The following GRK4 variants were observed in gnomAD, a reference collection of about 807,000 sequenced individuals.
GRK4 encodes the protein G protein-coupled receptor kinase 2-like.
In GRK4, 73 loss-of-function variants were observed where a neutral mutation model predicts 77.9. The observed-to-expected ratio is 0.94, with a 90% CI of 0.78 to 1.14. The LOEUF (loss-of-function observed/expected upper bound fraction) is 1.14. Among genes scored for constraint, GRK4 ranks in the 50% most tolerant of loss-of-function variants. The pLI is 0.00. For synonymous variants in GRK4, 257 were observed against 254.4 expected, an observed-to-expected ratio of 1.01 and a Z score of -0.10; for missense variants, 729 against 700.2, an observed-to-expected ratio of 1.04 and a Z score of -0.46.
intron 4 of GRK4, among the ~76,000 whole-genome samples, chr4:3,000,784 G>A (rs1447516259): frequency 6.6e-6 from 1 of 151,862 alleles, no homozygotes; most frequent in Non-Finnish European, 1.5e-5. Flanking sequence ...TGGCCAGGAT[G>A]GTCTCGATCT....
chr4:2,986,411 C>T (rs1447677512), intron 2 of GRK4, among the ~76,000 whole-genome samples: 2 of 131,800 alleles, frequency 1.5e-5, no homozygotes, highest in East Asian at 2.2e-4. Flanking sequence ...GGCTGGAGTG[C>T]AATGGCATGA....
intron 4 of GRK4, among the ~76,000 whole-genome samples, chr4:3,001,346 C>CATAT (rs1335363565): frequency 2.5e-5 from 3 of 122,376 alleles, no homozygotes; most frequent in African/African-American, 1.1e-4. Flanking sequence ...CACACACACA[C>CATAT]ACACACACAT....
In GRK4 at chr4:3,013,688, G is replaced by T. The variant is rs1560456314; in HGVS notation, c.601G>T (p.Val201Phe). Reference sequence around the variant, plus strand: ...TCCTTTATTTTGCTGTTTAAACTAGGTTTGCGCCTGTCAAGTGCGAGCCAC... The same window carrying T: ...TCCTTTATTTTGCTGTTTAAACTAGTTTTGCGCCTGTCAAGTGCGAGCCAC... ...RVLGKGGFGE[V>F]CACQVRATGK... Residue 201 changes from valine to phenylalanine, a missense_variant and splice_region_variant, in exon 8 of 16, where the codon GTT (valine) becomes TTT (phenylalanine). By Grantham distance (50) the Val-to-Phe change is conservative. Coordinates refer to ENST00000398052, the MANE Select transcript of GRK4 (RefSeq NM_182982.3). 1 of 1,606,698 alleles carries T rather than the reference G, an allele frequency of 6.2e-7. No individual in the cohort carries two copies. The highest frequency in any genetic ancestry group is 1.7e-5 in the Admixed American group (1 of 58,060).
chr4:3,019,749 T>C lies in GRK4; in HGVS notation c.850T>C (p.Phe284Leu), dbSNP rs1474162734. Residue 284 changes from phenylalanine to leucine, a missense_variant, in exon 9 of 16, where the codon TTT (phenylalanine) becomes CTT (leucine). Phe to Leu is a conservative substitution (Grantham distance 22). Coordinates refer to ENST00000398052, the MANE Select transcript of GRK4 (RefSeq NM_182982.3). ...CATTTACAACCTGGGCAATCCCGGC[T>C]TTGATGAGCAGAGAGCCGTTTTCTA... ...FHIYNLGNPGFDEQRAVFYAA... is the reference protein window; with the variant it reads ...FHIYNLGNPGLDEQRAVFYAA... 13 of 1,614,214 alleles carry C rather than the reference T, an allele frequency of 8.1e-6. No homozygotes were observed. In the South Asian group the frequency reaches 1.3e-4, roughly 16 times the overall value.
intron 7 of GRK4, among the ~76,000 whole-genome samples, chr4:3,013,224 T>A (rs1733415828): frequency 6.6e-6 from 1 of 151,856 alleles, no homozygotes; most frequent in Non-Finnish European, 1.5e-5. Context: ...TTTTGTTTTT[T>A]TATTTTTCGT....
chr4:3,001,089 A>ATATATATATATGTGTGTGTGTGTGTGTG, intron 4 of GRK4, among the ~76,000 whole-genome samples: 2 of 82,432 alleles, frequency 2.4e-5, no homozygotes, highest in Admixed American at 1.1e-4. Context: ...ATATATATAT[A>ATATATATATATGTGTGTGTGTGTGTGTG]TGTGTGTGTG....
rs1735579364 is a variant in GRK4 at position 3,019,838 on chromosome 4, A to G, written c.932+7A>G. On this transcript the variant is annotated splice_region_variant and intron_variant, in intron 9 of 15. Coordinates refer to ENST00000398052, the MANE Select transcript of GRK4 (RefSeq NM_182982.3). ...GGGAAAGAATTGTATACAGGTAAGA[A>G]CGGTGCTACCTAATGGAGCCTGCAA... The G allele has an allele frequency of 6.2e-7, 1 of 1,611,412 alleles. No individual in the cohort carries two copies. Among genetic ancestry groups the G allele is most frequent in the Non-Finnish European group, 8.5e-7 (1 of 1,178,232 alleles).
At chr4:2,987,372 C>G (rs1200763787) in intron 2 of GRK4, among the ~76,000 whole-genome samples, 1 of 152,092 alleles carries the variant, frequency 6.6e-6, no homozygotes, top group Non-Finnish European at 1.5e-5. Flanking sequence ...CTACTTTTGC[C>G]TGTTATGAAT....
Position 3,033,212 on chromosome 4 carries a change from G to A in GRK4, c.1270-2174G>A, listed in dbSNP as rs940616537. 4.6e-5 allele frequency among the ~76,000 whole-genome samples: 7 copies of A among 152,180 alleles called. No homozygotes were observed. The East Asian group carries it at 5.8e-4, about 13-fold the overall frequency. On this transcript the variant is annotated intron_variant, in intron 12 of 15. Transcript: ENST00000398052. ...AGCCTGGGTAACACAGTGAGATGCC[G>A]TCTATATTTTAAAAGAAAGAAAGAA...
At chr4:2,976,652 T>TC (rs1721270196) in intron 1 of GRK4, among the ~76,000 whole-genome samples, 1 of 145,930 alleles carries the variant, frequency 6.9e-6, no homozygotes, top group Non-Finnish European at 1.5e-5. Context: ...TTTTTTTTTT[T>TC]GGTTTGATAC....
At chr4:3,015,972 G>A (rs967332846) in intron 8 of GRK4, among the ~76,000 whole-genome samples, 11 of 150,150 alleles carry the variant, frequency 7.3e-5, no homozygotes, top group Non-Finnish European at 1.0e-4. Context: ...GCAGTGGCGC[G>A]ATCTTGGCTC....
intron 5 of GRK4, among the ~76,000 whole-genome samples, chr4:3,005,369 G>A (rs559071328): frequency 1.3e-5 from 2 of 151,950 alleles, no homozygotes; most frequent in South Asian, 2.1e-4. Flanking sequence ...TTAAAGAGAG[G>A]GAAGATGGGG....
At chr4:2,990,989 C>A (rs1027815987) in intron 3 of GRK4, among the ~76,000 whole-genome samples, 1 of 152,162 alleles carries the variant, frequency 6.6e-6, no homozygotes, top group Non-Finnish European at 1.5e-5. Context: ...TGGCACATGG[C>A]ATGGTTGTTT....
chr4:3,013,721 A>T lies in GRK4; in HGVS notation c.634A>T (p.Met212Leu). The change falls in exon 8 of 16, where the codon ATG becomes TTG. Residue 212 changes from methionine to leucine, a missense_variant. Transcript: ENST00000398052. The part of the protein sequence containing the change: ...CACQVRATGK[M>L]YACKKLQKKR... ...CTGTCAAGTGCGAGCCACAGGAAAA[A>T]TGTATGCCTGCAAAAAGCTACAAAA... 2 of 1,613,624 alleles carry T rather than the reference A, an allele frequency of 1.2e-6. No individual in the cohort carries two copies. Among genetic ancestry groups the T allele is most frequent in the Non-Finnish European group, 1.7e-6 (2 of 1,179,862 alleles).
chr4:3,007,704 A>G, intron 5 of GRK4, 32 bp from the exon 6 acceptor site: 1 of 1,365,976 alleles, frequency 7.3e-7, no homozygotes, highest in Non-Finnish European at 1.0e-6. Context: ...TAATACAACA[A>G]ATGTATATAA....
intron 7 of GRK4, among the ~76,000 whole-genome samples, chr4:3,011,460 G>T (rs1250995167): frequency 1.3e-5 from 2 of 152,146 alleles, no homozygotes; most frequent in Non-Finnish European, 2.9e-5. Flanking sequence ...AAGAAGATAA[G>T]AAAGACTCAG....
rs112885806 is a variant in GRK4, at chr4:2,970,550, C to T, written c.52+6428C>T. Among the ~76,000 whole-genome samples, 1,400 of 150,754 alleles carry T rather than the reference C, an allele frequency of 9.3e-3. 10 individuals carry two copies. The highest frequency in any genetic ancestry group is 0.018 in the South Asian group (87 of 4,770). On this transcript the variant is annotated intron_variant, in intron 1 of 15. Transcript: ENST00000398052. ...GCATGCACCTGTAGTCCGAGCTACT[C>T]GGGAGGCTGAGGCGGGAGAATCACT...
chr4:2,967,359 A>C (rs761619469), intron 1 of GRK4, among the ~76,000 whole-genome samples: 15 of 152,176 alleles, frequency 9.9e-5, no homozygotes, highest in Non-Finnish European at 1.6e-4. Flanking sequence ...TCTGCCAGGG[A>C]CATGAAGGAA....
At chr4:3,014,296 C>CTTT (rs60684225) in intron 8 of GRK4, among the ~76,000 whole-genome samples, 10 of 118,994 alleles carry the variant, frequency 8.4e-5, no homozygotes, top group African/African-American at 1.7e-4. Context: ...CTCTCTCTCT[C>CTTT]TTTTTTTTTT....
Sources: allele counts gnomAD v4.1 joint callset (sites outside exome capture counted in the v4.1 genomes callset), GRCh38; gene constraint gnomAD v4.1.1; transcripts MANE v1.5; gene names NCBI Gene and HGNC (gene_info 2026-07-23, HGNC 2026-07-21).